The following CFAP210 variants were observed in gnomAD, a reference collection of about 807,000 sequenced individuals.
CFAP210 encodes the protein cilia- and flagella- associated protein 210.
the CFAP210 span, among the ~76,000 whole-genome samples, chr2:169,676,583 A>G: frequency 2.8e-4 from 42 of 152,028 alleles, no homozygotes; most frequent in Non-Finnish European, 5.0e-4. Context: ...GCAACCACTG[A>G]TCTGTTTTCT....
At chr2:169,649,334 CTT>C in the CFAP210 span, 2 of 1,609,720 alleles carry the variant, frequency 1.2e-6, no homozygotes, top group East Asian at 4.5e-5. Context: ...TCTTCTTCCT[CTT>C]TATTTTTCAT....
the CFAP210 span, among the ~76,000 whole-genome samples, chr2:169,666,003 GA>G: frequency 6.6e-6 from 1 of 151,998 alleles, no homozygotes; most frequent in Non-Finnish European, 1.5e-5. Flanking sequence ...CTGCTAGGAT[GA>G]TAGGCATGAG....
the CFAP210 span, chr2:169,650,646 T>G: frequency 1.7e-6 from 2 of 1,169,902 alleles, no homozygotes; most frequent in Non-Finnish European, 2.2e-6. Context: ...GCCCCATTGC[T>G]CCTTACATAT....
chr2:169,676,368 A>C, the CFAP210 span, among the ~76,000 whole-genome samples: 1 of 146,916 alleles, frequency 6.8e-6, no homozygotes, highest in Non-Finnish European at 1.5e-5. Flanking sequence ...CTGTGTTACA[A>C]AAAAAAAAAA....
At chr2:169,674,450 ACCT>A in the CFAP210 span, 1 of 743,584 alleles carries the variant, frequency 1.3e-6, no homozygotes, top group Non-Finnish European at 2.1e-6. Flanking sequence ...GCGATTTTTA[ACCT>A]CCTTTTTGTA....
At chr2:169,652,472 C>T in the CFAP210 span, among the ~76,000 whole-genome samples, 9 of 152,104 alleles carry the variant, frequency 5.9e-5, no homozygotes, top group East Asian at 7.7e-4. Context: ...CATGGTGGTG[C>T]GCACCTTTAG....
chr2:169,693,478 C>T, the CFAP210 span, among the ~76,000 whole-genome samples: 1 of 152,216 alleles, frequency 6.6e-6, no homozygotes, highest in Admixed American at 6.5e-5. Context: ...GAATGACTGG[C>T]TGTCACTCTG....
the CFAP210 span, among the ~76,000 whole-genome samples, chr2:169,684,121 A>G: frequency 6.6e-6 from 1 of 152,116 alleles, no homozygotes; most frequent in East Asian, 1.9e-4. Flanking sequence ...AGAGAAGTTG[A>G]AGAAGGGCAG....
chr2:169,666,910 C>G, the CFAP210 span, among the ~76,000 whole-genome samples: 1 of 152,124 alleles, frequency 6.6e-6, no homozygotes, highest in Non-Finnish European at 1.5e-5. Flanking sequence ...CCGTAAGAAT[C>G]AGCTTCTCAT....
chr2:169,680,906 A>C, the CFAP210 span: 2 of 961,098 alleles, frequency 2.1e-6, no homozygotes, highest in Non-Finnish European at 3.1e-6. Flanking sequence ...CATTTTTATG[A>C]AATTTTACAT....
chr2:169,680,886 T>C, the CFAP210 span: 13 of 733,346 alleles, frequency 1.8e-5, no homozygotes, highest in Non-Finnish European at 2.7e-5. Context: ...GTTGAAAATA[T>C]GTTTCGATGC....
the CFAP210 span, among the ~76,000 whole-genome samples, chr2:169,680,150 G>C: frequency 6.6e-6 from 1 of 152,112 alleles, no homozygotes; most frequent in Non-Finnish European, 1.5e-5. Context: ...ATAAGTTCAG[G>C]AAGAGATATT....
the CFAP210 span, among the ~76,000 whole-genome samples, chr2:169,672,627 A>C: frequency 1.3e-5 from 2 of 152,210 alleles, no homozygotes; most frequent in East Asian, 3.9e-4. Context: ...AGCAGAAGGA[A>C]GCATCTGGCA....
chr2:169,669,246 C>A, the CFAP210 span, among the ~76,000 whole-genome samples: 3 of 152,080 alleles, frequency 2.0e-5, no homozygotes, highest in Admixed American at 6.6e-5. Flanking sequence ...ATGTTCGAGG[C>A]CCTGGAAGAT....
the CFAP210 span, chr2:169,674,492 T>C: frequency 1.8e-6 from 2 of 1,127,076 alleles, no homozygotes; most frequent in East Asian, 5.1e-5. Context: ...TATTTTAGCA[T>C]GTATTACTTT....
At chr2:169,693,476 G>A in the CFAP210 span, among the ~76,000 whole-genome samples, 3 of 152,336 alleles carry the variant, frequency 2.0e-5, no homozygotes, top group East Asian at 5.8e-4. Context: ...AAGAATGACT[G>A]GCTGTCACTC....
the CFAP210 span, among the ~76,000 whole-genome samples, chr2:169,664,314 A>T: frequency 6.6e-6 from 1 of 152,198 alleles, no homozygotes; most frequent in Non-Finnish European, 1.5e-5. Flanking sequence ...ATACTTTAAA[A>T]TTTTTCAGCT....
chr2:169,677,457 C>T, the CFAP210 span, among the ~76,000 whole-genome samples: 1 of 152,002 alleles, frequency 6.6e-6, no homozygotes, highest in Non-Finnish European at 1.5e-5. Context: ...AAATAAGAAC[C>T]TCGTGATAAT....
At chr2:169,678,357 A>G in the CFAP210 span, among the ~76,000 whole-genome samples, 14 of 147,976 alleles carry the variant, frequency 9.5e-5, no homozygotes, top group Non-Finnish European at 1.6e-4. Context: ...AAAAAAAAAA[A>G]AAAAAAGAAA....
Sources: allele counts gnomAD v4.1 joint callset (sites outside exome capture counted in the v4.1 genomes callset), GRCh38; gene constraint gnomAD v4.1.1; transcripts MANE v1.5; gene names NCBI Gene and HGNC (gene_info 2026-07-23, HGNC 2026-07-21).